SEL1L2: variants seen among roughly 807,000 people sequenced by gnomAD.
SEL1L2 encodes the protein SEL1L2 adaptor subunit of SYVN1 ubiquitin ligase, also known as protein sel-1 homolog 2.
A neutral mutation model predicts 98.8 loss-of-function variants in SEL1L2; 89 were observed. The observed-to-expected ratio is 0.90, with a 90% CI of 0.76 to 1.07. The LOEUF is 1.07. Ranked by LOEUF, SEL1L2 falls within the 50% of genes least tolerant of loss-of-function variation. The pLI is 0.00. For missense variants in SEL1L2, 788 were observed against 812.0 expected (o/e 0.97, Z 0.36); for synonymous variants, 262 against 278.5 (o/e 0.94, Z 0.59).
chr20:13,960,496 G>T (rs1032431631), intron 1 of SEL1L2, among the ~76,000 whole-genome samples: 3 of 152,184 alleles, frequency 2.0e-5, no homozygotes, highest in African/African-American at 7.2e-5. Context: ...ATTATTTCCA[G>T]CAGAAGATGT....
intron 2 of SEL1L2, among the ~76,000 whole-genome samples, chr20:13,950,018 T>C (rs1251624764): frequency 6.6e-6 from 1 of 152,122 alleles, no homozygotes; most frequent in Non-Finnish European, 1.5e-5. Flanking sequence ...GGAAGGAAAT[T>C]CTGACACATG....
upstream of SEL1L2, among the ~76,000 whole-genome samples, chr20:13,991,590 C>T (rs2052534840): frequency 6.6e-6 from 1 of 152,204 alleles, no homozygotes; most frequent in Admixed American, 6.5e-5. Flanking sequence ...GCTCAGTCAT[C>T]ACTTGCCTTC....
chr20:13,912,392 G>A (rs1280254500), intron 5 of SEL1L2, among the ~76,000 whole-genome samples: 1 of 150,036 alleles, frequency 6.7e-6, no homozygotes, highest in African/African-American at 2.5e-5. Context: ...TCGCCTCCCA[G>A]GTTCAAGCAA....
At position 13,990,506 on chromosome 20, in the gene SEL1L2, A is replaced by C. The variant is rs778866657; in HGVS notation, c.29T>G (p.Ile10Arg). Reference sequence around the variant, plus strand: ...AATTGTGACCCCAAGAATTATCAATATCTCTATTAACAGAGACAAGGGCTT... The same window carrying C: ...AATTGTGACCCCAAGAATTATCAATCTCTCTATTAACAGAGACAAGGGCTT... MKPLSLLIE[I>R]LIILGVTIKT... The change falls in exon 1 of 20, where the codon ATA becomes AGA. Residue 10 changes from isoleucine to arginine, a missense_variant. Physicochemically the swap from Ile to Arg is moderately conservative, Grantham distance 97. Coordinates refer to ENST00000284951, the MANE Select transcript of SEL1L2 (RefSeq NM_025229.2). 2.5e-6 allele frequency: 4 copies of C among 1,612,936 alleles called. No individual in the cohort carries two copies. Among genetic ancestry groups the C allele is most frequent in the Non-Finnish European group, 3.4e-6 (4 of 1,179,104 alleles).
At chr20:13,905,433 C>G (rs1300147213) in intron 5 of SEL1L2, among the ~76,000 whole-genome samples, 1 of 151,638 alleles carries the variant, frequency 6.6e-6, no homozygotes, top group Non-Finnish European at 1.5e-5. Flanking sequence ...GCCTCAACCT[C>G]CTGAGTAGCT....
chr20:13,913,740 A>T, intron 5 of SEL1L2, 42 bp downstream of exon 5: 1 of 1,458,440 alleles, frequency 6.9e-7, no homozygotes, highest in South Asian at 1.5e-5. Context: ...TAGTTATTTC[A>T]GGATGGAGCT....
intron 1 of SEL1L2, among the ~76,000 whole-genome samples, chr20:13,986,355 C>G (rs1428570867): frequency 6.6e-6 from 1 of 152,180 alleles, no homozygotes; most frequent in Non-Finnish European, 1.5e-5. Flanking sequence ...TTCAAAACTT[C>G]ATCATCCCGG....
At chr20:13,916,352 C>T (rs1336185657) in intron 4 of SEL1L2, among the ~76,000 whole-genome samples, 7 of 152,150 alleles carry the variant, frequency 4.6e-5, no homozygotes, top group Non-Finnish European at 1.0e-4. Context: ...TTTTTCTCTC[C>T]ACCTGCCCTA....
chr20:13,873,707 A>G (rs2046306362), intron 12 of SEL1L2, among the ~76,000 whole-genome samples: 1 of 152,338 alleles, frequency 6.6e-6, no homozygotes, highest in South Asian at 2.1e-4. Context: ...AGCCATATGT[A>G]TAGCCAAACC....
intron 1 of SEL1L2, among the ~76,000 whole-genome samples, chr20:13,961,889 C>G (rs917186577): frequency 2.0e-5 from 3 of 152,154 alleles, no homozygotes; most frequent in Non-Finnish European, 4.4e-5. Context: ...TATATCTCTC[C>G]TTTTGGGACA....
At chr20:13,877,253 C>T (rs187056421) in intron 11 of SEL1L2, among the ~76,000 whole-genome samples, 24 of 152,316 alleles carry the variant, frequency 1.6e-4, no homozygotes, top group Non-Finnish European at 2.4e-4. Flanking sequence ...TAGCCGCTTC[C>T]GTGAAAGAGG....
At chr20:13,924,430 CT>C (rs1244556435) in intron 3 of SEL1L2, among the ~76,000 whole-genome samples, 118 of 144,192 alleles carry the variant, frequency 8.2e-4, no homozygotes, top group South Asian at 1.1e-3. Flanking sequence ...TTTTCTTTTT[CT>C]TTTTTTTTTT....
At chr20:13,889,477 G>A (rs1019801281) in intron 5 of SEL1L2, among the ~76,000 whole-genome samples, 7 of 151,980 alleles carry the variant, frequency 4.6e-5, no homozygotes, top group East Asian at 1.9e-4. Flanking sequence ...TCTTGGAAAC[G>A]AAATATTTTT....
intron 1 of SEL1L2, among the ~76,000 whole-genome samples, chr20:13,956,443 T>G (rs2050546794): frequency 6.6e-6 from 1 of 152,102 alleles, no homozygotes; most frequent in African/African-American, 2.4e-5. Context: ...CTTTCTGAGC[T>G]AGAAATGTAT....
In SEL1L2 at chr20:13,955,148, C is replaced by T. The variant is rs571697618; in HGVS notation, c.114+928G>A. On this transcript the variant is annotated intron_variant, in intron 2 of 19. Coordinates refer to ENST00000284951, the MANE Select transcript of SEL1L2 (RefSeq NM_025229.2). ...GGATAACAGCAATGAACACCACAAA[C>T]AAAACCCTTGCTCTCATGGAGTTTG... Among the ~76,000 whole-genome samples, 432 of 152,188 alleles carry T rather than the reference C, an allele frequency of 2.8e-3. 1 individual carries two copies. Among genetic ancestry groups the T allele is most frequent in the Non-Finnish European group, 4.5e-3 (305 of 68,010 alleles).
chr20:13,980,086 A>C (rs2051736081), intron 1 of SEL1L2, among the ~76,000 whole-genome samples: 1 of 152,250 alleles, frequency 6.6e-6, no homozygotes, highest in South Asian at 2.1e-4. Context: ...ACAAATGGCC[A>C]ACAGATATAT....
upstream of SEL1L2, among the ~76,000 whole-genome samples, chr20:13,993,887 T>C (rs904819165): frequency 2.6e-5 from 4 of 152,216 alleles, no homozygotes; most frequent in African/African-American, 4.8e-5. Flanking sequence ...ATGTCTCTAA[T>C]CAAAGACCTC....
At chr20:13,888,064 T>A (rs2047039382) in intron 6 of SEL1L2, 63 bp from the exon 7 acceptor site, 2 of 1,361,866 alleles carry the variant, frequency 1.5e-6, no homozygotes, top group Admixed American at 3.7e-5. Flanking sequence ...AATTTGAAAC[T>A]CAAACCAAGT....
intron 2 of SEL1L2, among the ~76,000 whole-genome samples, chr20:13,951,112 T>C (rs2050239799): frequency 4.0e-5 from 6 of 149,474 alleles, no homozygotes. Context: ...CCATCTCTAC[T>C]AAAAATACAA....
Sources: allele counts gnomAD v4.1 joint callset (sites outside exome capture counted in the v4.1 genomes callset), GRCh38; gene constraint gnomAD v4.1.1; transcripts MANE v1.5; gene names NCBI Gene and HGNC (gene_info 2026-07-23, HGNC 2026-07-21).